WIPF1: variants seen among roughly 807,000 people sequenced by gnomAD.
The protein encoded by WIPF1 is WAS/WASL-interacting protein family member 1.
A neutral mutation model predicts 35.4 loss-of-function variants in WIPF1; 13 were observed. The ratio of observed to expected loss-of-function variants is 0.37; its 90% CI spans 0.24 to 0.58. The LOEUF (loss-of-function observed/expected upper bound fraction) is 0.58. Among genes scored for constraint, WIPF1 ranks in the 20% least tolerant of loss-of-function variants. The pLI, the probability that WIPF1 is intolerant of heterozygous loss-of-function variation, is 0.74. For missense variants in WIPF1, 591 were observed against 667.0 expected, an observed-to-expected ratio of 0.89 and a Z score of 1.25; for synonymous variants, 267 against 266.3, an observed-to-expected ratio of 1.00 and a Z score of -0.02.
At chr2:174,568,129 G>C in intron 5 of WIPF1, 56 bp from the exon 6 acceptor site, 17 of 1,541,062 alleles carry the variant, frequency 1.1e-5, no homozygotes, top group Non-Finnish European at 1.5e-5. Flanking sequence ...CCATTACCGT[G>C]GTCACCATTG....
intron 1 of WIPF1, among the ~76,000 whole-genome samples, chr2:174,609,632 T>C (rs1686282660): frequency 1.3e-5 from 2 of 152,248 alleles, no homozygotes; most frequent in Admixed American, 1.3e-4. Context: ...ACTACATTGA[T>C]TTGGAGGGAA....
At position 174,663,272 on chromosome 2, in the gene WIPF1, C is replaced by T. The variant is rs112700413; in HGVS notation, c.-39+19502G>A. Among the ~76,000 whole-genome samples the T allele has an allele frequency of 1.1e-4, 16 of 152,268 alleles. 3 individuals are homozygous for T. Among genetic ancestry groups the T allele is most frequent in the African/African-American group, 3.9e-4 (16 of 41,538 alleles). ...TTTACAAGTTACCAGATAACTGCGA[C>T]CCAAACCTCCAAGGGGTGCAGAGGA... On this transcript the variant is annotated intron_variant, in intron 1 of 8. Coordinates refer to the WIPF1 transcript ENST00000272746.
At chr2:174,596,091 G>C (rs535821595) in intron 1 of WIPF1, among the ~76,000 whole-genome samples, 2 of 152,302 alleles carry the variant, frequency 1.3e-5, no homozygotes, top group Admixed American at 6.5e-5. Context: ...GATCAGATCT[G>C]AAGTTGCTGC....
rs66562213 is a variant in WIPF1, at chr2:174,576,230, CAAA to C, written c.182-853_182-851del. Reference sequence around the variant, plus strand: ...CTATGATTGCACCACTGCACTCCAGCAAAAAAAAAAAAAAAAAAACACTAAGCA... The same window carrying C: ...CTATGATTGCACCACTGCACTCCAGCAAAAAAAAAAAAAAAACACTAAGCA... On this transcript the variant is annotated intron_variant, in intron 3 of 7. Coordinates refer to ENST00000679041, the MANE Select transcript of WIPF1 (RefSeq NM_001375834.1). Among the ~76,000 whole-genome samples the C allele has an allele frequency of 1.0e-3, 103 of 98,918 alleles. 1 individual carries two copies. Among genetic ancestry groups the C allele is most frequent in the Middle Eastern group, 5.4e-3 (1 of 186 alleles). The allele number at this position is 98,918 out of a possible 152,430, so 64.9% of individuals were successfully genotyped here.
At chr2:174,586,561 T>A (rs1685429945) in intron 1 of WIPF1, among the ~76,000 whole-genome samples, 1 of 152,036 alleles carries the variant, frequency 6.6e-6, no homozygotes, top group Non-Finnish European at 1.5e-5. Context: ...GGAGAGACGA[T>A]GGCCAGGAAG....
intron 1 of WIPF1, among the ~76,000 whole-genome samples, chr2:174,648,110 A>C (rs566472934): frequency 6.6e-6 from 1 of 152,354 alleles, no homozygotes; most frequent in East Asian, 1.9e-4. Flanking sequence ...GCTGACTTAC[A>C]TGATTCTGTG....
intron 1 of WIPF1, among the ~76,000 whole-genome samples, chr2:174,632,369 C>T (rs1419365171): frequency 6.6e-6 from 1 of 152,054 alleles, no homozygotes; most frequent in South Asian, 2.1e-4. Context: ...AGAATAAGGA[C>T]CCCCAGAAGA....
chr2:174,572,656 C>T (rs1046515869), intron 4 of WIPF1, among the ~76,000 whole-genome samples: 1 of 152,330 alleles, frequency 6.6e-6, no homozygotes, highest in Non-Finnish European at 1.5e-5. Context: ...CCAACTTCTA[C>T]AGCCTATGAG....
chr2:174,592,549 A>T (rs1025481131), intron 1 of WIPF1, among the ~76,000 whole-genome samples: 1 of 151,872 alleles, frequency 6.6e-6, no homozygotes, highest in African/African-American at 2.4e-5. Context: ...AGATTCAAAA[A>T]TCCAACTGCT....
At chr2:174,597,576 T>G (rs1301081555) in intron 1 of WIPF1, 25 bp downstream of exon 1, 1 of 152,600 alleles carries the variant, frequency 6.6e-6, no homozygotes, top group Non-Finnish European at 1.5e-5. Context: ...TGAAATAAAC[T>G]TAGTTTGAAT....
rs11675139 is a variant in WIPF1 at position 174,575,588 on chromosome 2, G to A, written c.182-208C>T. Among the ~76,000 whole-genome samples, 78,580 of 152,028 alleles carry A rather than the reference G, an allele frequency of 0.52. 21,042 individuals are homozygous for A. The highest frequency in any genetic ancestry group is 0.87 in the East Asian group (4,507 of 5,180). On this transcript the variant is annotated intron_variant, in intron 3 of 7. Coordinates refer to ENST00000679041, the MANE Select transcript of WIPF1 (RefSeq NM_001375834.1). ...TCCCAAGCCCAGTGGTGGAAGAAAC[G>A]AAAATAAAGGATGATTTGTCCCCAC... is the stretch of plus-strand genomic sequence containing the variant.
chr2:174,606,563 C>CT (rs1356202403), intron 1 of WIPF1, among the ~76,000 whole-genome samples: 1 of 152,208 alleles, frequency 6.6e-6, no homozygotes, highest in African/African-American at 2.4e-5. Flanking sequence ...CTGAATGACA[C>CT]TTAACAGATG....
chr2:174,625,771 G>C (rs1468082491), intron 1 of WIPF1: 1 of 152,150 alleles, frequency 6.6e-6, no homozygotes, highest in Non-Finnish European at 1.5e-5. Flanking sequence ...TGACTAAAAA[G>C]TAAAGACAAA....
At chr2:174,576,260 A>C (rs996788015) in intron 3 of WIPF1, among the ~76,000 whole-genome samples, 2 of 151,524 alleles carry the variant, frequency 1.3e-5, no homozygotes, top group African/African-American at 4.9e-5. Context: ...CACTAAGCAA[A>C]TATCCACAAT....
At chr2:174,616,588 T>C (rs1401178890) in intron 1 of WIPF1, among the ~76,000 whole-genome samples, 1 of 152,154 alleles carries the variant, frequency 6.6e-6, no homozygotes, top group African/African-American at 2.4e-5. Context: ...CTGAAATACA[T>C]CTAGAATCTT....
At chr2:174,607,129 C>T (rs1230818038) in intron 1 of WIPF1, among the ~76,000 whole-genome samples, 1 of 152,194 alleles carries the variant, frequency 6.6e-6, no homozygotes, top group Non-Finnish European at 1.5e-5. Flanking sequence ...CACTCAGGAC[C>T]TAATCATCTC....
At chr2:174,581,661 G>A (rs1291225430) in intron 2 of WIPF1, among the ~76,000 whole-genome samples, 2 of 152,204 alleles carry the variant, frequency 1.3e-5, no homozygotes, top group East Asian at 1.9e-4. Flanking sequence ...GGGAGGAAGA[G>A]TCAGTCCTTG....
chr2:174,600,068 A>G, upstream of WIPF1, among the ~76,000 whole-genome samples: 1 of 152,220 alleles, frequency 6.6e-6, no homozygotes, highest in Non-Finnish European at 1.5e-5. Flanking sequence ...CTGAGAATCT[A>G]ATGCGCAGCT....
At chr2:174,608,197 G>C (rs1311578608) in intron 1 of WIPF1, among the ~76,000 whole-genome samples, 1 of 152,090 alleles carries the variant, frequency 6.6e-6, no homozygotes, top group Non-Finnish European at 1.5e-5. Flanking sequence ...AAGAGGCAGG[G>C]GAACCAAACT....
Sources: gnomAD v4.1 joint callset for allele counts (sites outside exome capture counted in the v4.1 genomes callset) on GRCh38, gnomAD v4.1.1 for gene constraint, MANE v1.5 for transcripts, NCBI Gene and HGNC (gene_info 2026-07-23, HGNC 2026-07-21) for gene names.